GPATCH2: variants seen among roughly 807,000 people sequenced by gnomAD.
GPATCH2 encodes the protein G patch domain-containing protein 2.
A neutral mutation model predicts 58.0 loss-of-function variants in GPATCH2; 51 were observed. The observed-to-expected ratio is 0.88, with a 90% CI of 0.70 to 1.11. GPATCH2 has a LOEUF of 1.11. GPATCH2 is among the 50% of genes most tolerant of loss of function. The pLI, the probability that GPATCH2 is intolerant of heterozygous loss-of-function variation, is 0.00. For missense variants in GPATCH2, 625 were observed against 652.2 expected (o/e 0.96, Z 0.45); for synonymous variants, 222 against 218.5 (o/e 1.02, Z -0.14).
chr1:217,498,263 T>C (rs1285369725), intron 7 of GPATCH2, 93 bp downstream of exon 7: 2 of 968,176 alleles, frequency 2.1e-6, no homozygotes, highest in African/African-American at 3.2e-5. Context: ...ATTTGTATTT[T>C]TTCTCATAAA....
At chr1:217,506,274 T>C (rs973680901) in intron 6 of GPATCH2, among the ~76,000 whole-genome samples, 1 of 152,130 alleles carries the variant, frequency 6.6e-6, no homozygotes, top group Non-Finnish European at 1.5e-5. Flanking sequence ...ACTTTGGAAA[T>C]GGTATACAGT....
chr1:217,566,101 C>CAAAA (rs59608962), intron 5 of GPATCH2, among the ~76,000 whole-genome samples: 2 of 47,240 alleles, frequency 4.2e-5, no homozygotes, highest in African/African-American at 5.8e-5. Context: ...AACTCCGTCT[C>CAAAA]AAAAAAAAAA....
At chr1:217,503,048 T>A (rs1662382063) in intron 6 of GPATCH2, among the ~76,000 whole-genome samples, 1 of 152,184 alleles carries the variant, frequency 6.6e-6, no homozygotes, top group Non-Finnish European at 1.5e-5. Context: ...TCCTTCTTTG[T>A]CATTGTGTGT....
At chr1:217,598,393 C>T (rs1004327577) in intron 5 of GPATCH2, among the ~76,000 whole-genome samples, 2 of 151,756 alleles carry the variant, frequency 1.3e-5, no homozygotes, top group Middle Eastern at 3.4e-3. Flanking sequence ...GTCACGAAAA[C>T]AAAACAAAAC....
At chr1:217,532,900 G>GTTTTTTTTTTT (rs59591091) in intron 5 of GPATCH2, among the ~76,000 whole-genome samples, 1 of 110,860 alleles carries the variant, frequency 9.0e-6, no homozygotes, top group Non-Finnish European at 1.8e-5. Flanking sequence ...TTTTTTTTTT[G>GTTTTTTTTTTT]TTTTTTTTTT....
rs1663777239 is a variant in GPATCH2 at position 217,524,889 on chromosome 1, AGGG to A, written c.1099-10003_1099-10001del. On this transcript the variant is annotated intron_variant, in intron 5 of 9. Transcript: ENST00000366935. ...GGAGAGGGGAGAGGGGGGAGGGGGGAGGGGGGAGGGGGGAGGGGGGAGGGGGAG... is the reference window on the plus strand; with the variant it reads ...GGAGAGGGGAGAGGGGGGAGGGGGGAGGGAGGGGGGAGGGGGGAGGGGGAG... Among the ~76,000 whole-genome samples the A allele has an allele frequency of 3.6e-3, 2 of 560 alleles. 1 individual carries two copies. The highest frequency in any genetic ancestry group is 7.2e-3 in the Non-Finnish European group (2 of 278). 0.4% of individuals were successfully genotyped at this position (560 alleles called of 152,430 possible).
chr1:217,471,365 C>CA (rs1660715216), intron 8 of GPATCH2, among the ~76,000 whole-genome samples: 1 of 152,070 alleles, frequency 6.6e-6, no homozygotes, highest in Admixed American at 6.5e-5. Flanking sequence ...AACAGCTGCT[C>CA]AAAAATGTCA....
intron 8 of GPATCH2, among the ~76,000 whole-genome samples, chr1:217,450,863 T>A (rs1189726311): frequency 6.6e-6 from 1 of 152,136 alleles, no homozygotes; most frequent in African/African-American, 2.4e-5. Context: ...TTTTAAAAAG[T>A]AGAATGATGT....
chr1:217,510,876 T>C (rs903984928), intron 6 of GPATCH2, among the ~76,000 whole-genome samples: 4 of 152,100 alleles, frequency 2.6e-5, no homozygotes, highest in African/African-American at 9.7e-5. Flanking sequence ...GCAAATCACC[T>C]GCAGTCAGGA....
chr1:217,453,010 C>A (rs957533371), intron 8 of GPATCH2, among the ~76,000 whole-genome samples: 3 of 152,194 alleles, frequency 2.0e-5, no homozygotes, highest in African/African-American at 7.2e-5. Context: ...GGAGTTGCTA[C>A]AAATGACACT....
chr1:217,456,701 A>G (rs936772529), intron 8 of GPATCH2, among the ~76,000 whole-genome samples: 1 of 152,234 alleles, frequency 6.6e-6, no homozygotes, highest in Non-Finnish European at 1.5e-5. Context: ...ATTAACAGAG[A>G]GGGTTACCCA....
chr1:217,612,582 T>C (rs1426404674), intron 3 of GPATCH2, among the ~76,000 whole-genome samples: 3 of 152,176 alleles, frequency 2.0e-5, no homozygotes, highest in Non-Finnish European at 2.9e-5. Flanking sequence ...ATCAGGACTT[T>C]TACTGAGCTT....
chr1:217,541,232 T>C (rs993198767), intron 5 of GPATCH2, among the ~76,000 whole-genome samples: 4 of 152,226 alleles, frequency 2.6e-5, no homozygotes, highest in Admixed American at 6.5e-5. Flanking sequence ...TCATTACTCA[T>C]ACTGAAAATT....
intron 5 of GPATCH2, among the ~76,000 whole-genome samples, chr1:217,564,213 C>T (rs530084356): frequency 2.6e-5 from 4 of 152,068 alleles, no homozygotes; most frequent in African/African-American, 7.2e-5. Context: ...AAAAGGGTAA[C>T]GTTATTTGCA....
At chr1:217,435,822 G>A (rs1165759567) in intron 9 of GPATCH2, among the ~76,000 whole-genome samples, 2 of 152,114 alleles carry the variant, frequency 1.3e-5, no homozygotes, top group East Asian at 1.9e-4. Context: ...AAAGTGGTAG[G>A]TGTTACTATT....
intron 7 of GPATCH2, chr1:217,495,152 G>A (rs542315655): frequency 5.8e-4 from 134 of 229,522 alleles, no homozygotes; most frequent in African/African-American, 3.0e-3. Context: ...GGTACAATTG[G>A]AAAAACTGCT....
chr1:217,440,858 G>A (rs1052053023), intron 9 of GPATCH2, among the ~76,000 whole-genome samples: 1 of 152,080 alleles, frequency 6.6e-6, no homozygotes, highest in Non-Finnish European at 1.5e-5. Context: ...AAATAAGAGA[G>A]GACACAAACA....
chr1:217,449,428 G>T, intron 8 of GPATCH2, 91 bp from the exon 9 acceptor site: 1 of 777,926 alleles, frequency 1.3e-6, no homozygotes. Context: ...AAATCAAAAC[G>T]TTCTCAACAA....
At chr1:217,588,237 T>C (rs1395617957) in intron 5 of GPATCH2, among the ~76,000 whole-genome samples, 1 of 152,162 alleles carries the variant, frequency 6.6e-6, no homozygotes, top group Non-Finnish European at 1.5e-5. Flanking sequence ...GCAGAGAACT[T>C]AAAAGCTTTT....
Sources: gnomAD v4.1 joint callset for allele counts (sites outside exome capture counted in the v4.1 genomes callset) on GRCh38, gnomAD v4.1.1 for gene constraint, MANE v1.5 for transcripts, NCBI Gene and HGNC (gene_info 2026-07-23, HGNC 2026-07-21) for gene names.